The following KAZN variants were observed in gnomAD, a reference collection of about 807,000 sequenced individuals.
KAZN encodes kazrin.
Under a neutral mutation model 87.4 loss-of-function variants are expected in KAZN, and 40 were observed. The observed-to-expected ratio is 0.46, with a 90% confidence interval of 0.36 to 0.60. The LOEUF (loss-of-function observed/expected upper bound fraction) is 0.60. Among genes scored for constraint, KAZN ranks in the 20% least tolerant of loss-of-function variants. The probability of loss-of-function intolerance (pLI) is 0.00; values close to 1 mark genes in which losing one functional copy is unlikely to be tolerated. For missense variants in KAZN, 898 were observed against 1,073.9 expected, an observed-to-expected ratio of 0.84 and a Z score of 2.29; for synonymous variants, 466 against 458.3, an observed-to-expected ratio of 1.02 and a Z score of -0.22.
Position 14,975,712 on chromosome 1 carries a change from C to G in KAZN, c.418+14837C>G, listed in dbSNP as rs532584929. Among the ~76,000 whole-genome samples the G allele has an allele frequency of 2.2e-3, 331 of 152,216 alleles. 1 individual carries two copies. Among genetic ancestry groups the G allele is most frequent in the Middle Eastern group, 0.01 (3 of 294 alleles). ...CATGAAAAGATTGAGGCCCAGAGAC[C>G]TGACCTACTGGGAGGTGGAAATTAA... is the stretch of plus-strand genomic sequence containing the variant. On this transcript the variant is annotated intron_variant, in intron 2 of 14. Transcript: ENST00000376030.
chr1:14,110,717 A>G lies in KAZN; in HGVS notation c.92-69718A>G, dbSNP rs1644484894. Among the ~76,000 whole-genome samples, 3 of 133,718 alleles carry G rather than the reference A, an allele frequency of 2.2e-5. 1 individual carries two copies. Among genetic ancestry groups the G allele is most frequent in the Non-Finnish European group, 4.8e-5 (3 of 62,792 alleles). The allele number at this position is 133,718 out of a possible 152,430, so 87.7% of individuals were successfully genotyped here. ...CATCTGTGGCTACAAAACCCTTAAA[A>G]TGTGGCTAGCCCAAGCTGTGCTTTG... is the stretch of plus-strand genomic sequence containing the variant. On this transcript the variant is annotated intron_variant, in intron 1 of 16. Transcript: ENST00000636203.
At chr1:14,145,407 G>T (rs1397054588) in intron 1 of KAZN, among the ~76,000 whole-genome samples, 1 of 151,914 alleles carries the variant, frequency 6.6e-6, no homozygotes, top group East Asian at 1.9e-4. Flanking sequence ...TTGCACTACT[G>T]CACTCCAGCC....
intron 1 of KAZN, among the ~76,000 whole-genome samples, chr1:13,996,213 G>A (rs1435097631): frequency 6.6e-6 from 1 of 152,140 alleles, no homozygotes; most frequent in Non-Finnish European, 1.5e-5. Flanking sequence ...CTCACAGATC[G>A]GAAGATCCCA....
chr1:14,386,006 G>T (rs2101067660), intron 2 of KAZN, among the ~76,000 whole-genome samples: 1 of 152,002 alleles, frequency 6.6e-6, no homozygotes, highest in South Asian at 2.1e-4. Context: ...CCTGTATTGG[G>T]TACATATATT....
intron 2 of KAZN, among the ~76,000 whole-genome samples, chr1:14,287,101 C>T (rs958402982): frequency 6.6e-6 from 1 of 152,140 alleles, no homozygotes. Flanking sequence ...TTCATGCTCT[C>T]CAGGTGAGCC....
intron 1 of KAZN, among the ~76,000 whole-genome samples, chr1:14,643,694 G>A (rs1377441116): frequency 6.6e-6 from 1 of 152,184 alleles, no homozygotes; most frequent in Non-Finnish European, 1.5e-5. Flanking sequence ...CAGTAGGATT[G>A]CTGGGTTGAA....
intron 2 of KAZN, among the ~76,000 whole-genome samples, chr1:14,358,289 G>T (rs967084005): frequency 6.6e-6 from 1 of 151,156 alleles, no homozygotes; most frequent in Non-Finnish European, 1.5e-5. Flanking sequence ...TTCTTATTGT[G>T]TCTATTTGAT....
intron 1 of KAZN, among the ~76,000 whole-genome samples, chr1:14,768,314 T>C (rs1644936859): frequency 1.3e-5 from 2 of 152,236 alleles, no homozygotes; most frequent in South Asian, 4.1e-4. Context: ...GGAGCACTTC[T>C]TGTGAGCCAG....
At chr1:14,054,150 A>T (rs1005519219) in intron 1 of KAZN, among the ~76,000 whole-genome samples, 3 of 152,020 alleles carry the variant, frequency 2.0e-5, no homozygotes, top group Non-Finnish European at 4.4e-5. Context: ...AAATTTTCCA[A>T]TATATTTACT....
intron 1 of KAZN, among the ~76,000 whole-genome samples, chr1:14,713,882 G>A (rs541093729): frequency 6.6e-6 from 1 of 151,928 alleles, no homozygotes; most frequent in Non-Finnish European, 1.5e-5. Context: ...CTTGAGCCCA[G>A]GAGATGGAGA....
At chr1:14,576,117 C>A (rs1675162661) in intron 2 of KAZN, among the ~76,000 whole-genome samples, 1 of 152,208 alleles carries the variant, frequency 6.6e-6, no homozygotes, top group Admixed American at 6.5e-5. Flanking sequence ...CTCCTGTGAT[C>A]TGTGTGACTT....
At chr1:14,970,381 G>A (rs1428069345) in intron 2 of KAZN, among the ~76,000 whole-genome samples, 1 of 152,166 alleles carries the variant, frequency 6.6e-6, no homozygotes, top group Non-Finnish European at 1.5e-5. Flanking sequence ...GCAACCCCGT[G>A]ACTCACAGTC....
chr1:14,767,618 G>T (rs1207923001), intron 1 of KAZN, among the ~76,000 whole-genome samples: 1 of 152,202 alleles, frequency 6.6e-6, no homozygotes, highest in Admixed American at 6.5e-5. Context: ...TTCCTCCTGG[G>T]AAGCCAGCTT....
intron 1 of KAZN, among the ~76,000 whole-genome samples, chr1:14,757,024 A>G (rs778900589): frequency 2.0e-5 from 3 of 152,222 alleles, no homozygotes; most frequent in Non-Finnish European, 2.9e-5. Flanking sequence ...ATTGTTGCAC[A>G]TTGTCACACC....
intron 1 of KAZN, among the ~76,000 whole-genome samples, chr1:13,993,817 T>C (rs1244100154): frequency 6.6e-6 from 1 of 152,198 alleles, no homozygotes; most frequent in Admixed American, 6.5e-5. Flanking sequence ...TCAGAGTAGT[T>C]TGACTTCTCA....
chr1:14,520,360 C>T (rs943568688), intron 2 of KAZN, among the ~76,000 whole-genome samples: 56 of 151,916 alleles, frequency 3.7e-4, no homozygotes, highest in African/African-American at 1.0e-3. Context: ...CCATGATAGA[C>T]GTAGCAAGCA....
At chr1:14,912,735 T>A (rs937995045) in intron 1 of KAZN, among the ~76,000 whole-genome samples, 2 of 152,158 alleles carry the variant, frequency 1.3e-5, no homozygotes, top group African/African-American at 2.4e-5. Flanking sequence ...TTGGTGTAAG[T>A]TATCCTAATG....
chr1:14,844,589 A>G (rs1648466378), intron 1 of KAZN, among the ~76,000 whole-genome samples: 3 of 152,208 alleles, frequency 2.0e-5, no homozygotes. Flanking sequence ...TGTAAATGAG[A>G]TTGTTCGCAA....
At chr1:14,226,005 C>T (rs1362131762) in intron 2 of KAZN, among the ~76,000 whole-genome samples, 2 of 151,830 alleles carry the variant, frequency 1.3e-5, no homozygotes, top group Non-Finnish European at 2.9e-5. Context: ...CAAAAATTGA[C>T]CATAGGACCT....
Sources: allele counts gnomAD v4.1 joint callset (sites outside exome capture counted in the v4.1 genomes callset), GRCh38; gene constraint gnomAD v4.1.1; transcripts MANE v1.5; gene names NCBI Gene and HGNC (gene_info 2026-07-23, HGNC 2026-07-21).